Variants in UXS1 observed in about 807,000 individuals in gnomAD.
UXS1 encodes UDP-glucuronic acid decarboxylase 1.
A neutral mutation model predicts 62.6 loss-of-function variants in UXS1; 33 were observed. That is an observed-to-expected ratio of 0.53 (90% CI 0.40 to 0.70). The LOEUF (loss-of-function observed/expected upper bound fraction) is 0.70. UXS1 is among the 30% of genes least tolerant of loss of function. The probability of loss-of-function intolerance (pLI) is 0.00; values close to 1 mark genes in which losing one functional copy is unlikely to be tolerated. For missense variants in UXS1, 434 were observed against 556.3 expected (o/e 0.78, Z 2.21); for synonymous variants, 213 against 206.8 (o/e 1.03, Z -0.26).
intron 4 of UXS1, chr2:106,159,300 G>A (rs565627053): frequency 3.3e-5 from 5 of 152,226 alleles, no homozygotes; most frequent in African/African-American, 1.2e-4. Context: ...CGCTCCACAA[G>A]AGCGAGAAGA....
At chr2:106,109,673 T>C (rs955609460) in intron 10 of UXS1, among the ~76,000 whole-genome samples, 4 of 152,214 alleles carry the variant, frequency 2.6e-5, no homozygotes, top group Non-Finnish European at 5.9e-5. Flanking sequence ...CTGAACATGA[T>C]TCCACTTAAA....
intron 7 of UXS1, among the ~76,000 whole-genome samples, chr2:106,128,875 T>A (rs1680195574): frequency 6.6e-6 from 1 of 152,206 alleles, no homozygotes; most frequent in Non-Finnish European, 1.5e-5. Context: ...GTGCTGTATG[T>A]CCCAAGTCTA....
intron 5 of UXS1, among the ~76,000 whole-genome samples, chr2:106,152,260 T>C (rs1682078956): frequency 6.6e-6 from 1 of 152,154 alleles, no homozygotes; most frequent in African/African-American, 2.4e-5. Context: ...AAGACCAGCC[T>C]GGCCAACATG....
intron 10 of UXS1, among the ~76,000 whole-genome samples, chr2:106,106,047 G>T (rs563367854): frequency 5.9e-5 from 9 of 152,326 alleles, no homozygotes; most frequent in African/African-American, 1.9e-4. Flanking sequence ...AGAAGGAAAA[G>T]GGGAAGGATC....
intron 1 of UXS1, 104 bp downstream of exon 1, chr2:106,194,044 C>T: frequency 2.4e-6 from 2 of 835,674 alleles, no homozygotes; most frequent in Non-Finnish European, 3.2e-6. Flanking sequence ...GGGAGCAACG[C>T]GGGGCTGCAG....
chr2:106,150,929 T>C (rs1227636953), intron 5 of UXS1, among the ~76,000 whole-genome samples: 2 of 152,204 alleles, frequency 1.3e-5, no homozygotes, highest in Non-Finnish European at 2.9e-5. Flanking sequence ...ACTCAGGCCA[T>C]GGAGTCAAGA....
rs1369820280 is a variant in UXS1, at chr2:106,194,255, G to T, written c.-14C>A. ...CTTGCTCACCATCCCCGGGAGCCGC[G>T]CGGGTCCAGGGCCCTACCGCGCGGG... is the stretch of plus-strand genomic sequence containing the variant. On this transcript the variant is annotated 5_prime_UTR_variant, in exon 1 of 15. Transcript: ENST00000283148. 4 of 1,420,484 alleles carry T rather than the reference G, an allele frequency of 2.8e-6. No homozygotes were observed. Among genetic ancestry groups the T allele is most frequent in the Non-Finnish European group, 9.3e-7 (1 of 1,079,514 alleles). The allele number at this position is 1,420,484 out of a possible 1,614,324, so 88.0% of individuals were successfully genotyped here.
At position 106,120,080 on chromosome 2, in the gene UXS1, G is replaced by C. The variant is rs1342051002; in HGVS notation, c.759+2890C>G. Among the ~76,000 whole-genome samples the C allele has an allele frequency of 2.0e-5, 3 of 152,120 alleles. No individual in the cohort carries two copies. The East Asian group carries it at 5.8e-4, about 29-fold the overall frequency. On this transcript the variant is annotated intron_variant, in intron 9 of 14. Coordinates refer to ENST00000283148, the MANE Select transcript of UXS1 (RefSeq NM_001253875.2). Reference sequence around the variant, plus strand: ...TTCCTCCCTCCTCAGCACCCATTCAGAAAAAAGTGGGAATGAGTATTCAGG... The same window carrying C: ...TTCCTCCCTCCTCAGCACCCATTCACAAAAAAGTGGGAATGAGTATTCAGG...
intron 5 of UXS1, among the ~76,000 whole-genome samples, chr2:106,156,872 T>C (rs918096601): frequency 1.3e-5 from 2 of 152,220 alleles, no homozygotes; most frequent in African/African-American, 4.8e-5. Context: ...GCCTACTGTA[T>C]AAATAAACTG....
intron 9 of UXS1, among the ~76,000 whole-genome samples, chr2:106,121,010 T>G (rs554126181): frequency 6.6e-6 from 1 of 152,178 alleles, no homozygotes; most frequent in Non-Finnish European, 1.5e-5. Flanking sequence ...CCGAGACCTA[T>G]GTGAGCAGGA....
intron 9 of UXS1, among the ~76,000 whole-genome samples, chr2:106,119,631 G>A (rs1679359838): frequency 6.6e-6 from 1 of 152,138 alleles, no homozygotes; most frequent in Non-Finnish European, 1.5e-5. Flanking sequence ...AGGCCGCTGT[G>A]CTCAGAACAC....
chr2:106,096,395 G>A (rs1336144885), intron 14 of UXS1, among the ~76,000 whole-genome samples: 1 of 152,216 alleles, frequency 6.6e-6, no homozygotes, highest in Non-Finnish European at 1.5e-5. Context: ...GTGTGTGGGA[G>A]ACAGTGTGAG....
At chr2:106,152,950 C>G (rs1682152093) in intron 5 of UXS1, among the ~76,000 whole-genome samples, 1 of 152,148 alleles carries the variant, frequency 6.6e-6, no homozygotes, top group African/African-American at 2.4e-5. Context: ...GGCAGTGGTT[C>G]AGAGGTTTTC....
chr2:106,128,298 C>T (rs1680131436), intron 7 of UXS1, among the ~76,000 whole-genome samples: 1 of 152,182 alleles, frequency 6.6e-6, no homozygotes, highest in Admixed American at 6.5e-5. Context: ...AGATAAAGCT[C>T]TTTCCAGATA....
chr2:106,188,256 G>A (rs572921459), intron 1 of UXS1, among the ~76,000 whole-genome samples: 1 of 152,218 alleles, frequency 6.6e-6, no homozygotes, highest in Admixed American at 6.5e-5. Context: ...GAAGGGGAAG[G>A]GAGAACAGGC....
At chr2:106,168,193 T>C (rs867426430) in intron 1 of UXS1, among the ~76,000 whole-genome samples, 1 of 152,294 alleles carries the variant, frequency 6.6e-6, no homozygotes, top group Middle Eastern at 3.4e-3. Context: ...CATAAAGACC[T>C]TGCTGATAAA....
chr2:106,107,651 TG>T (rs1678197756), intron 10 of UXS1, among the ~76,000 whole-genome samples: 1 of 152,190 alleles, frequency 6.6e-6, no homozygotes, highest in East Asian at 1.9e-4. Flanking sequence ...GGCTGCAGCC[TG>T]GGAAGTCCAA....
At chr2:106,174,594 T>C (rs10153690) in intron 1 of UXS1, among the ~76,000 whole-genome samples, 149,320 of 152,330 alleles carry the variant, frequency 0.98, 73,243 homozygotes, top group South Asian at 1. Context: ...AAGGCCCGCA[T>C]CAGCCAGAGG....
chr2:106,129,836 C>T, intron 6 of UXS1, 58 bp from the exon 7 acceptor site: 3 of 1,119,036 alleles, frequency 2.7e-6, no homozygotes, highest in Non-Finnish European at 3.9e-6. Context: ...AAATACTGAC[C>T]TCCTAGGATA....
Sources: allele counts gnomAD v4.1 joint callset (sites outside exome capture counted in the v4.1 genomes callset), GRCh38; gene constraint gnomAD v4.1.1; transcripts MANE v1.5; gene names NCBI Gene and HGNC (gene_info 2026-07-23, HGNC 2026-07-21).